STON2: variants seen among roughly 807,000 people sequenced by gnomAD.
STON2 encodes the protein stonin 2, also known as stonin-2.
Under a neutral mutation model 65.7 loss-of-function variants are expected in STON2, and 29 were observed. The ratio of observed to expected loss-of-function variants is 0.44; its 90% confidence interval spans 0.33 to 0.60. The LOEUF is 0.60. STON2 is among the 20% of genes least tolerant of loss of function. The pLI, the probability that STON2 is intolerant of heterozygous loss-of-function variation, is 0.03. For synonymous variants in STON2, 404 were observed against 414.2 expected, an observed-to-expected ratio of 0.98 and a Z score of 0.30; for missense variants, 1,054 against 1,118.1, an observed-to-expected ratio of 0.94 and a Z score of 0.82.
intron 3 of STON2, among the ~76,000 whole-genome samples, chr14:81,386,994 G>C (rs1489841086): frequency 6.6e-6 from 1 of 152,164 alleles, no homozygotes; most frequent in Non-Finnish European, 1.5e-5. Flanking sequence ...TTTAAAGCCA[G>C]AGGAAGCCTT....
chr14:81,375,910 A>G (rs1899231684), intron 3 of STON2, among the ~76,000 whole-genome samples: 1 of 151,120 alleles, frequency 6.6e-6, no homozygotes, highest in Non-Finnish European at 1.5e-5. Flanking sequence ...CTAGTTGTCT[A>G]TACTAGATAA....
rs1008617490 is a variant in STON2 at position 81,398,471 on chromosome 14, G to A, written c.-89C>T. On this transcript the variant is annotated 5_prime_UTR_variant, in exon 2 of 8. Coordinates refer to ENST00000614646, the MANE Select transcript of STON2 (RefSeq NM_001394390.1). Reference sequence around the variant, plus strand: ...GGTGGGCTGGAGTAGGGGTATGGTAGTACGGTAGACTTGGGTCCAGGGTCT... The same window carrying A: ...GGTGGGCTGGAGTAGGGGTATGGTAATACGGTAGACTTGGGTCCAGGGTCT... The A allele has an allele frequency of 5.0e-6, 5 of 996,158 alleles. No individual in the cohort carries two copies. The African/African-American group carries it at 6.4e-5, about 13-fold the overall frequency. 61.7% of individuals were successfully genotyped at this position (996,158 alleles called of 1,614,324 possible).
At chr14:81,292,260 T>C (rs1275734449) in intron 5 of STON2, among the ~76,000 whole-genome samples, 1 of 152,204 alleles carries the variant, frequency 6.6e-6, no homozygotes, top group African/African-American at 2.4e-5. Flanking sequence ...AGGATCATGT[T>C]ATCTCACATC....
chr14:81,370,433 A>C (rs936609704), intron 4 of STON2, among the ~76,000 whole-genome samples: 2 of 152,230 alleles, frequency 1.3e-5, no homozygotes, highest in South Asian at 2.1e-4. Context: ...CACCTACTGG[A>C]AAGTTTAATA....
chr14:81,305,153 G>T (rs1357525908), intron 5 of STON2, among the ~76,000 whole-genome samples: 2 of 152,238 alleles, frequency 1.3e-5, no homozygotes, highest in African/African-American at 2.4e-5. Flanking sequence ...TTGTGTGAAT[G>T]TGACACAATT....
chr14:81,410,295 A>AAAAAAAAC (rs1566948531), intron 2 of STON2, among the ~76,000 whole-genome samples: 42 of 150,930 alleles, frequency 2.8e-4, no homozygotes, highest in African/African-American at 9.7e-4. Flanking sequence ...AAAAAAAAAA[A>AAAAAAAAC]AAAAAAAAAA....
chr14:81,378,406 G>C (rs184383929), intron 3 of STON2, among the ~76,000 whole-genome samples: 1 of 151,708 alleles, frequency 6.6e-6, no homozygotes, highest in Non-Finnish European at 1.5e-5. Flanking sequence ...CATAGAGATG[G>C]GGTTTCACTA....
chr14:81,299,883 A>AT (rs199878787), intron 5 of STON2, among the ~76,000 whole-genome samples: 1,165 of 112,978 alleles, frequency 0.01, 12 homozygotes, highest in African/African-American at 0.028. Flanking sequence ...ATGGAAAAAA[A>AT]ATTTTTTTTT....
Position 81,268,462 on chromosome 14 carries a change from G to A in STON2, c.2820C>T (p.Asp940=). 1 of 1,289,568 alleles carries A rather than the reference G, an allele frequency of 7.8e-7. No homozygotes were observed. Among genetic ancestry groups the A allele is most frequent in the Non-Finnish European group, 1.0e-6 (1 of 988,704 alleles). 79.9% of individuals were successfully genotyped at this position (1,289,568 alleles called of 1,614,324 possible). A position where few individuals can be genotyped will look rare whatever the true frequency, so the allele number is the denominator to read the frequency against. Residue 940 remains aspartate, a synonymous_variant, in exon 8 of 8, where the codon GAC becomes GAT. Transcript: ENST00000614646. ...EIEQKKSLKP[D]FEGDEMENPK... ...GATTTTCCATTTCATCTCCTTCAAAGTCCGGCTTCAAACTCTTTTTTTGCT... is the reference window on the plus strand; with the variant it reads ...GATTTTCCATTTCATCTCCTTCAAAATCCGGCTTCAAACTCTTTTTTTGCT...
intron 1 of STON2, among the ~76,000 whole-genome samples, chr14:81,428,509 G>T (rs1172404289): frequency 6.6e-6 from 1 of 151,962 alleles, no homozygotes; most frequent in Non-Finnish European, 1.5e-5. Context: ...GGCTGCTTGA[G>T]GCCAGAAGTT....
chr14:81,321,473 A>C (rs772308480), intron 5 of STON2, among the ~76,000 whole-genome samples: 6 of 152,106 alleles, frequency 3.9e-5, no homozygotes, highest in Non-Finnish European at 7.4e-5. Context: ...GAGGTGATGC[A>C]GCAACTGGTA....
At chr14:81,285,113 A>G (rs924735037) in intron 5 of STON2, among the ~76,000 whole-genome samples, 2 of 152,242 alleles carry the variant, frequency 1.3e-5, no homozygotes, top group African/African-American at 4.8e-5. Context: ...GCCGTGGAAC[A>G]CAACATCCAT....
intron 5 of STON2, among the ~76,000 whole-genome samples, chr14:81,307,006 G>C (rs139370832): frequency 6.6e-6 from 1 of 152,312 alleles, no homozygotes; most frequent in Non-Finnish European, 1.5e-5. Context: ...TAAAAGTCAA[G>C]TTGATCATGA....
chr14:81,432,936 G>C (rs1170626621), intron 1 of STON2, among the ~76,000 whole-genome samples: 1 of 152,132 alleles, frequency 6.6e-6, no homozygotes, highest in Non-Finnish European at 1.5e-5. Context: ...TCTCCCCTTA[G>C]TTTAGTGGTT....
chr14:81,434,820 A>G (rs1211097825), intron 1 of STON2, among the ~76,000 whole-genome samples: 1 of 152,222 alleles, frequency 6.6e-6, no homozygotes, highest in Non-Finnish European at 1.5e-5. Flanking sequence ...CCAAGAAAAG[A>G]AAGTGACACA....
chr14:81,351,320 C>T (rs1898016256), intron 4 of STON2, among the ~76,000 whole-genome samples: 1 of 151,772 alleles, frequency 6.6e-6, no homozygotes, highest in Admixed American at 6.6e-5. Flanking sequence ...TGAGGACAAT[C>T]CAGAAATGAA....
At chr14:81,343,217 T>G (rs1897682790) in intron 4 of STON2, among the ~76,000 whole-genome samples, 1 of 152,296 alleles carries the variant, frequency 6.6e-6, no homozygotes, top group East Asian at 1.9e-4. Context: ...GATTGATATA[T>G]GCCAAAGTGA....
rs746108682 is a variant in STON2, at chr14:81,278,063, C to T, written c.1419G>A (p.Pro473=). The T allele has an allele frequency of 4.3e-6, 7 of 1,613,984 alleles. No homozygotes were observed. The highest frequency in any genetic ancestry group is 1.7e-5 in the Admixed American group (1 of 59,994). The change falls in exon 6 of 8, where the codon CCG becomes CCA. Residue 473 remains proline (P), a synonymous_variant. Coordinates refer to ENST00000614646, the MANE Select transcript of STON2 (RefSeq NM_001394390.1). ...GAGGCTGGGACCGTGCTGATCCAGG[C>T]GGGTGAGCATCTAGTTCAATCCAGG... ...PVAWIELDAH[P]PGSARSQPRD...
rs1029581696 is a variant in STON2 at position 81,277,820 on chromosome 14, G to T, written c.1662C>A (p.His554Gln). The change falls in exon 6 of 8, where the codon CAC (histidine) becomes CAA (glutamine). Residue 554 changes from histidine (H) to glutamine (Q), a missense_variant. Transcript: ENST00000614646. ...AGGTGACACGGTCTATCCGCAAGCT[G>T]TGGATTCTGCCATTCTCATCATAGT... ...LQNYDENGRI[H>Q]SLRIDRVTYK... 2 of 1,614,196 alleles carry T rather than the reference G, an allele frequency of 1.2e-6. No individual in the cohort carries two copies. Among genetic ancestry groups the T allele is most frequent in the Non-Finnish European group, 1.7e-6 (2 of 1,180,048 alleles).
Sources: gnomAD v4.1 joint callset for allele counts (sites outside exome capture counted in the v4.1 genomes callset) on GRCh38, gnomAD v4.1.1 for gene constraint, MANE v1.5 for transcripts, NCBI Gene and HGNC (gene_info 2026-07-23, HGNC 2026-07-21) for gene names.